Variants in GALNTL5 observed in about 807,000 individuals in gnomAD.
The protein encoded by GALNTL5 is polypeptide N-acetylgalactosaminyltransferase like 5.
GALNTL5 carries 44 observed loss-of-function variants against 51.0 expected under a neutral mutation model. The observed-to-expected ratio is 0.86, with a 90% CI of 0.68 to 1.11. The LOEUF is 1.11. Ranked by LOEUF, GALNTL5 falls within the 50% of genes least tolerant of loss-of-function variation. The pLI, the probability that GALNTL5 is intolerant of heterozygous loss-of-function variation, is 0.00. For synonymous variants in GALNTL5, 192 were observed against 182.8 expected (o/e 1.05, Z -0.41); for missense variants, 528 against 531.8 (o/e 0.99, Z 0.07).
At chr7:152,009,917 T>C (rs1315087665) in intron 7 of GALNTL5, among the ~76,000 whole-genome samples, 1 of 152,186 alleles carries the variant, frequency 6.6e-6, no homozygotes. Flanking sequence ...TAGGACTATC[T>C]CTTGAGAGTA....
At chr7:152,018,909 G>A (rs2081853495) in intron 8 of GALNTL5, among the ~76,000 whole-genome samples, 1 of 152,142 alleles carries the variant, frequency 6.6e-6, no homozygotes, top group Non-Finnish European at 1.5e-5. Flanking sequence ...CCAGGCCTGG[G>A]AAAACACAGA....
intron 5 of GALNTL5, among the ~76,000 whole-genome samples, chr7:151,988,604 C>T (rs2081390199): frequency 6.6e-6 from 1 of 151,988 alleles, no homozygotes; most frequent in South Asian, 2.1e-4. Context: ...CAAGAGAAAC[C>T]AAACACAATA....
intron 1 of GALNTL5, among the ~76,000 whole-genome samples, chr7:151,961,609 C>T (rs1168173225): frequency 6.6e-6 from 1 of 152,162 alleles, no homozygotes; most frequent in Admixed American, 6.5e-5. Flanking sequence ...GATACTTGAG[C>T]AAATCAGAGT....
chr7:151,983,160 A>G lies in GALNTL5; in HGVS notation c.535+8A>G, dbSNP rs200812489. The stretch of plus-strand genomic sequence containing the variant: ...ATGACATGAGCAAAGTTGGTAAGAT[A>G]GAACACTCATTATCTCATCTACTTT... On this transcript the variant is annotated splice_region_variant and intron_variant, in intron 4 of 8. Coordinates refer to ENST00000392800, the MANE Select transcript of GALNTL5 (RefSeq NM_145292.4). The G allele has an allele frequency of 1.9e-3, 3,074 of 1,605,026 alleles. 8 individuals carry two copies. Among genetic ancestry groups the G allele is most frequent in the Middle Eastern group, 6.3e-3 (38 of 6,046 alleles).
chr7:151,993,415 C>T (rs1220453969), intron 5 of GALNTL5, among the ~76,000 whole-genome samples: 1 of 152,144 alleles, frequency 6.6e-6, no homozygotes, highest in Non-Finnish European at 1.5e-5. Context: ...ATAAACTGCA[C>T]AGGCACTGGT....
chr7:151,964,218 C>A (rs2081028947), intron 1 of GALNTL5, among the ~76,000 whole-genome samples: 1 of 152,198 alleles, frequency 6.6e-6, no homozygotes, highest in African/African-American at 2.4e-5. Flanking sequence ...CACCCTGTGA[C>A]CTCATATAAC....
chr7:152,014,848 T>C, intron 8 of GALNTL5, 55 bp downstream of exon 8: 2 of 1,499,480 alleles, frequency 1.3e-6, no homozygotes, highest in Admixed American at 2.1e-5. Flanking sequence ...GCAGGACTTG[T>C]TCTGAGGAAG....
intron 4 of GALNTL5, 85 bp downstream of exon 4, chr7:151,983,237 G>A: frequency 6.9e-6 from 8 of 1,154,944 alleles, no homozygotes; most frequent in Non-Finnish European, 9.0e-6. Context: ...GAGTGCAGTG[G>A]TACCATCTCG....
chr7:151,983,324 C>T (rs1462152987), intron 4 of GALNTL5, among the ~76,000 whole-genome samples, 172 bp downstream of exon 4: 4 of 152,082 alleles, frequency 2.6e-5, no homozygotes, highest in Admixed American at 2.6e-4. Flanking sequence ...ATTACAGGTG[C>T]ATGCCACCAC....
intron 5 of GALNTL5, among the ~76,000 whole-genome samples, chr7:151,999,952 A>G (rs2081550863): frequency 6.6e-6 from 1 of 152,218 alleles, no homozygotes; most frequent in Non-Finnish European, 1.5e-5. Context: ...AGCCAGATTG[A>G]GTCATGTTGT....
intron 1 of GALNTL5, among the ~76,000 whole-genome samples, chr7:151,958,207 C>G (rs1445927248): frequency 6.6e-6 from 1 of 152,258 alleles, no homozygotes; most frequent in African/African-American, 2.4e-5. Context: ...AGGCTCACCT[C>G]TGGGCTTGCT....
chr7:151,990,580 C>CA lies in GALNTL5; in HGVS notation c.658+3311dup, dbSNP rs575658831. 1.8e-3 allele frequency among the ~76,000 whole-genome samples: 40 copies of CA among 21,668 alleles called. 9 individuals are homozygous for CA. Among genetic ancestry groups the CA allele is most frequent in the East Asian group, 0.013 (6 of 480 alleles). The allele number at this position is 21,668 out of a possible 152,430, so 14.2% of individuals were successfully genotyped here. ...TGGGCGACAGAGCGAGACTCCATCT[C>CA]AAAAAAAAAAAAGCCCACTTTCTCT... On this transcript the variant is annotated intron_variant, in intron 5 of 8. Transcript: ENST00000392800.
chr7:151,977,943 T>G (rs915095090), intron 3 of GALNTL5, among the ~76,000 whole-genome samples: 5 of 150,412 alleles, frequency 3.3e-5, no homozygotes, highest in African/African-American at 1.3e-4. Context: ...CCACTCTCTT[T>G]TTAAGTTTGA....
chr7:151,961,275 G>A (rs1361256835), intron 1 of GALNTL5, among the ~76,000 whole-genome samples: 1 of 152,032 alleles, frequency 6.6e-6, no homozygotes. Context: ...GCCAAGGCAG[G>A]CAGATTGCTT....
intron 5 of GALNTL5, among the ~76,000 whole-genome samples, chr7:151,999,597 A>G (rs2081545454): frequency 6.6e-6 from 1 of 152,170 alleles, no homozygotes; most frequent in Non-Finnish European, 1.5e-5. Flanking sequence ...GTGTTTTCCT[A>G]ATGACATGAT....
chr7:152,016,022 G>T (rs184109785), intron 8 of GALNTL5, among the ~76,000 whole-genome samples: 44 of 152,242 alleles, frequency 2.9e-4, no homozygotes, highest in Non-Finnish European at 5.9e-5. Context: ...AGGTAATAAT[G>T]CTCCATTTCT....
At chr7:152,015,574 G>T (rs1338564065) in intron 8 of GALNTL5, among the ~76,000 whole-genome samples, 2 of 151,956 alleles carry the variant, frequency 1.3e-5, no homozygotes, top group African/African-American at 4.8e-5. Context: ...TGGCCAGGCT[G>T]GTCTCAATCT....
intron 5 of GALNTL5, among the ~76,000 whole-genome samples, chr7:151,999,063 C>G (rs2081537839): frequency 6.6e-6 from 1 of 152,210 alleles, no homozygotes; most frequent in Non-Finnish European, 1.5e-5. Flanking sequence ...TCCCTCCAGT[C>G]TCTGGCAACC....
chr7:151,967,187 T>A (rs1290619535), intron 1 of GALNTL5, 21 bp from the exon 2 acceptor site: 1 of 1,498,604 alleles, frequency 6.7e-7, no homozygotes, highest in African/African-American at 1.4e-5. Flanking sequence ...ATGCTGCTCC[T>A]CTTAAATCAT....
Sources: gnomAD v4.1 joint callset for allele counts (sites outside exome capture counted in the v4.1 genomes callset) on GRCh38, gnomAD v4.1.1 for gene constraint, MANE v1.5 for transcripts, NCBI Gene and HGNC (gene_info 2026-07-23, HGNC 2026-07-21) for gene names.